Variants in KCNQ1 observed in about 807,000 individuals in gnomAD.
KCNQ1 encodes the protein potassium voltage-gated channel subfamily KQT member 1.
Under a neutral mutation model 72.4 loss-of-function variants are expected in KCNQ1, and 49 were observed. The ratio of observed to expected loss-of-function variants is 0.68; its 90% CI spans 0.54 to 0.86. The LOEUF is 0.86. Among genes scored for constraint, KCNQ1 ranks in the 40% least tolerant of loss-of-function variants. KCNQ1 has a pLI of 0.00. For missense variants in KCNQ1, 790 were observed against 945.1 expected, an observed-to-expected ratio of 0.84 and a Z score of 2.15; for synonymous variants, 450 against 412.6, an observed-to-expected ratio of 1.09 and a Z score of -1.10.
chr11:2,587,603 G>C lies in KCNQ1; in HGVS notation c.1162G>C (p.Asp388His), dbSNP rs537637760. The C allele has an allele frequency of 3.7e-6, 6 of 1,613,888 alleles. No homozygotes were observed. The South Asian group carries it at 5.5e-5, about 15-fold the overall frequency. ...AWRCYAAENP[D>H]SSTWKIYIRK... ...GAGGTGCTATGCTGCCGAGAACCCCGACTCCTCCACCTGGAAGATCTACAT... is the reference window on the plus strand; with the variant it reads ...GAGGTGCTATGCTGCCGAGAACCCCCACTCCTCCACCTGGAAGATCTACAT... Residue 388 changes from aspartate to histidine, a missense_variant, in exon 9 of 16, where the codon GAC becomes CAC. This residue lies in a region of KCNQ1 where 178 missense variants were observed against 177.9 expected (regional missense o/e 1.00). Coordinates refer to ENST00000155840, the MANE Select transcript of KCNQ1 (RefSeq NM_000218.3).
chr11:2,544,402 G>A lies in KCNQ1; in HGVS notation c.477+16384G>A, dbSNP rs28808586. ...TATGTGTGCATATATGTGTATATATGTGTGTGTATATATATATATGGTTAC... is the reference window on the plus strand; with the variant it reads ...TATGTGTGCATATATGTGTATATATATGTGTGTATATATATATATGGTTAC... On this transcript the variant is annotated intron_variant, in intron 2 of 15. Coordinates refer to ENST00000155840, the MANE Select transcript of KCNQ1 (RefSeq NM_000218.3). This position sits in a 1 kb window ranked among gnomAD's most constrained non-coding sequence, Gnocchi z 4.4. Among the ~76,000 whole-genome samples the A allele has an allele frequency of 0.44, 65,103 of 147,550 alleles. 16,003 individuals are homozygous for A. The highest frequency in any genetic ancestry group is 0.68 in the African/African-American group (26,807 of 39,212).
In KCNQ1 at chr11:2,677,720, CTA is replaced by C. The variant is rs1850318609; in HGVS notation, c.1514+15641_1514+15642del. 2.5e-6 allele frequency: 1 copy of C among 398,392 alleles called. No individual in the cohort carries two copies. Among genetic ancestry groups the C allele is most frequent in the Admixed American group, 4.4e-5 (1 of 22,708 alleles). 24.7% of individuals were successfully genotyped at this position (398,392 alleles called of 1,614,324 possible). ...AAATTAACTTCCCAATCAAATATCT[CTA>C]TTGTAAAATTTTGGTCTCCGTTTTC... On this transcript the variant is annotated intron_variant, in intron 11 of 15. Coordinates refer to ENST00000155840, the MANE Select transcript of KCNQ1 (RefSeq NM_000218.3). The surrounding 1 kb of genome is among the most constrained non-coding windows in gnomAD (Gnocchi z 4.5).
rs909755194 is a variant in KCNQ1, at chr11:2,769,784, T to A, written c.1590+865T>A. ...GGGGCGTGTGACGTGCTTGAGTGAG[T>A]GCGTGTCTGCAGGAGCAGGGCAGGG... On this transcript the variant is annotated intron_variant, in intron 12 of 15. Coordinates refer to ENST00000155840, the MANE Select transcript of KCNQ1 (RefSeq NM_000218.3). This position sits in a 1 kb window ranked among gnomAD's most constrained non-coding sequence, Gnocchi z 4.6. Among the ~76,000 whole-genome samples the A allele has an allele frequency of 2.0e-5, 3 of 151,846 alleles. No individual in the cohort carries two copies. The highest frequency in any genetic ancestry group is 6.6e-5 in the Admixed American group (1 of 15,262).
Position 2,677,989 on chromosome 11 carries a change from G to A in KCNQ1, c.1514+15908G>A, listed in dbSNP as rs1359269399. On this transcript the variant is annotated intron_variant, in intron 11 of 15. Transcript: ENST00000155840. The surrounding 1 kb of genome is among the most constrained non-coding windows in gnomAD (Gnocchi z 4.5). Reference sequence around the variant, plus strand: ...TTTACATTTCTTTTGTTGGAAATGAGGTTTTTATCTTTCCAAATGCTTAAA... The same window carrying A: ...TTTACATTTCTTTTGTTGGAAATGAAGTTTTTATCTTTCCAAATGCTTAAA... The A allele has an allele frequency of 1.3e-5, 5 of 394,366 alleles. No homozygotes were observed. Among genetic ancestry groups the A allele is most frequent in the African/African-American group, 6.4e-5 (3 of 46,632 alleles). The allele number at this position is 394,366 out of a possible 1,614,324, so 24.4% of individuals were successfully genotyped here.
intron 11 of KCNQ1, chr11:2,662,684 AG>A (rs1849986115): frequency 7.4e-6 from 3 of 403,648 alleles, no homozygotes; most frequent in African/African-American, 6.2e-5. Flanking sequence ...TGGGGTGCCC[AG>A]CGGTGACAGC....
chr11:2,674,666 T>C lies in KCNQ1; in HGVS notation c.1514+12585T>C. 2.5e-6 allele frequency: 1 copy of C among 398,376 alleles called. No individual in the cohort carries two copies. The highest frequency in any genetic ancestry group is 1.3e-4 in the South Asian group (1 of 7,846). The allele number at this position is 398,376 out of a possible 1,614,324, so 24.7% of individuals were successfully genotyped here. On this transcript the variant is annotated intron_variant, in intron 11 of 15. Transcript: ENST00000155840. The surrounding 1 kb of genome is among the most constrained non-coding windows in gnomAD (Gnocchi z 5.9). The stretch of plus-strand genomic sequence containing the variant: ...TGGAAAGCCAGAACTTTTTGCAAAA[T>C]AATTTGAAAAGTTTGTTGAACCTTA...
At chr11:2,684,162 T>C (rs942804074) in intron 11 of KCNQ1, 2 of 398,460 alleles carry the variant, frequency 5.0e-6, no homozygotes, top group African/African-American at 4.1e-5. Context: ...CCAGAGGACT[T>C]AGGAAGAGAA....
At chr11:2,556,100 A>G (rs1042265608) in intron 2 of KCNQ1, among the ~76,000 whole-genome samples, 4 of 152,094 alleles carry the variant, frequency 2.6e-5, no homozygotes, top group African/African-American at 9.7e-5. Flanking sequence ...GGCCTCCCCC[A>G]GCTACTGTGG....
rs116353410 is a variant in KCNQ1 at position 2,491,226 on chromosome 11, A to G, written c.387-36702A>G. Among the ~76,000 whole-genome samples the G allele has an allele frequency of 3.0e-4, 45 of 152,356 alleles. No homozygotes were observed. Among genetic ancestry groups the G allele is most frequent in the African/African-American group, 9.9e-4 (41 of 41,578 alleles). On this transcript the variant is annotated intron_variant, in intron 1 of 15. Transcript: ENST00000155840. This position sits in a 1 kb window ranked among gnomAD's most constrained non-coding sequence, Gnocchi z 4.1. ...CCAATGAACAAGACCATCTAGGAAA[A>G]CATGACCTGACCAAACAAACTAAAT...
chr11:2,587,830 G>A, intron 9 of KCNQ1, 138 bp downstream of exon 9: 1 of 1,237,474 alleles, frequency 8.1e-7, no homozygotes, highest in South Asian at 1.2e-5. Context: ...CATCGTTCGG[G>A]ACACTGGGCC....
intron 11 of KCNQ1, chr11:2,688,582 T>C (rs1172225707): frequency 5.0e-6 from 2 of 398,590 alleles, no homozygotes; most frequent in Non-Finnish European, 4.4e-6. Flanking sequence ...CAGCCAGTGC[T>C]CGCTCACTGA....
rs1245917107 is a variant in KCNQ1 at position 2,669,467 on chromosome 11, G to T, written c.1514+7386G>T. 1 of 398,602 alleles carries T rather than the reference G, an allele frequency of 2.5e-6. No homozygotes were observed. Among genetic ancestry groups the T allele is most frequent in the South Asian group, 1.3e-4 (1 of 7,858 alleles). 24.7% of individuals were successfully genotyped at this position (398,602 alleles called of 1,614,324 possible). A position where few individuals can be genotyped will look rare whatever the true frequency, so the allele number is the denominator to read the frequency against. ...ACCTTGCCCTGTAGTTTTCAGTGTG[G>T]TGGTCATGAACAGCTTGTCAGATTC... is the stretch of plus-strand genomic sequence containing the variant. On this transcript the variant is annotated intron_variant, in intron 11 of 15. Transcript: ENST00000155840. The surrounding 1 kb of genome is among the most constrained non-coding windows in gnomAD (Gnocchi z 5.6).
rs1464968488 is a variant in KCNQ1, at chr11:2,588,747, A to G, written c.1286A>G (p.Asn429Ser). The stretch of plus-strand genomic sequence containing the variant: ...AAAAAGTTCAAGCTGGACAAAGACA[A>G]TGGGGTGACTCCTGGAGAGAAGATG... ...KKKKFKLDKD[N>S]GVTPGEKMLT... The change falls in exon 10 of 16, where the codon AAT becomes AGT. Residue 429 changes from asparagine to serine, a missense_variant. By Grantham distance (46) the Asn-to-Ser change is conservative. Coordinates refer to ENST00000155840, the MANE Select transcript of KCNQ1 (RefSeq NM_000218.3). The surrounding 1 kb of genome is among the most constrained non-coding windows in gnomAD (Gnocchi z 5.6). 4 of 1,613,632 alleles carry G rather than the reference A, an allele frequency of 2.5e-6. No individual in the cohort carries two copies. Among genetic ancestry groups the G allele is most frequent in the African/African-American group, 2.7e-5 (2 of 74,914 alleles).
intron 1 of KCNQ1, among the ~76,000 whole-genome samples, chr11:2,525,248 G>A (rs1009911170): frequency 6.6e-5 from 10 of 152,198 alleles, no homozygotes; most frequent in South Asian, 2.1e-4. Flanking sequence ...CCCAGTGCCC[G>A]GAATGGTGCC....
At chr11:2,476,404 A>G (rs1022732841) in intron 1 of KCNQ1, among the ~76,000 whole-genome samples, 3 of 152,242 alleles carry the variant, frequency 2.0e-5, no homozygotes, top group African/African-American at 4.8e-5. Context: ...GCATATATGC[A>G]TATCTGTACA....
At chr11:2,684,817 G>T (rs1410186626) in intron 11 of KCNQ1, 6 of 398,542 alleles carry the variant, frequency 1.5e-5, no homozygotes, top group Admixed American at 8.8e-5. Context: ...AAGGCTTGAG[G>T]TCTCCTAGTC....
chr11:2,743,908 C>T (rs529555697), intron 11 of KCNQ1, among the ~76,000 whole-genome samples: 8 of 152,358 alleles, frequency 5.3e-5, no homozygotes, highest in African/African-American at 1.9e-4. Context: ...CACAGAACGG[C>T]AGACTGGGGC....
At chr11:2,460,411 C>T (rs997677016) in intron 1 of KCNQ1, among the ~76,000 whole-genome samples, 5 of 152,208 alleles carry the variant, frequency 3.3e-5, no homozygotes, top group African/African-American at 4.8e-5. Context: ...GGTGGCCCTG[C>T]GGGTACAGGT....
rs1390723177 is a variant in KCNQ1 at position 2,658,805 on chromosome 11, C to A, written c.1394-3156C>A. 1.0e-5 allele frequency: 4 copies of A among 398,488 alleles called. No individual in the cohort carries two copies. The highest frequency in any genetic ancestry group is 4.1e-5 in the African/African-American group (2 of 48,614). 24.7% of individuals were successfully genotyped at this position (398,488 alleles called of 1,614,324 possible). The stretch of plus-strand genomic sequence containing the variant: ...CAGAGTTCATCCTTGCCCCCTCCCC[C>A]ACAACTTATTTATAGCTTTTTCTCT... On this transcript the variant is annotated intron_variant, in intron 10 of 15. Transcript: ENST00000155840. This position sits in a 1 kb window ranked among gnomAD's most constrained non-coding sequence, Gnocchi z 4.9.
Sources: gnomAD v4.1 joint callset for allele counts (sites outside exome capture counted in the v4.1 genomes callset) on GRCh38, gnomAD v4.1.1 for gene constraint, gnomAD v4.1.1 regional missense constraint, Gnocchi (gnomAD v3.1) non-coding constraint, MANE v1.5 for transcripts, NCBI Gene and HGNC (gene_info 2026-07-23, HGNC 2026-07-21) for gene names.